Variants in KDM4C observed in about 807,000 individuals in gnomAD.
KDM4C encodes the protein lysine-specific demethylase 4C.
Under a neutral mutation model 129.3 loss-of-function variants are expected in KDM4C, and 81 were observed. That is an observed-to-expected ratio of 0.63 (90% CI 0.52 to 0.75). The LOEUF (loss-of-function observed/expected upper bound fraction) is 0.75. Among genes scored for constraint, KDM4C ranks in the 30% least tolerant of loss-of-function variants. The pLI, the probability that KDM4C is intolerant of heterozygous loss-of-function variation, is 0.00. For missense variants in KDM4C, 1,457 were observed against 1,304.0 expected, an observed-to-expected ratio of 1.12 and a Z score of -1.81; for synonymous variants, 573 against 456.1, an observed-to-expected ratio of 1.26 and a Z score of -3.26.
At chr9:6,942,228 TTTA>T (rs1171448462) in intron 8 of KDM4C, among the ~76,000 whole-genome samples, 6 of 151,894 alleles carry the variant, frequency 4.0e-5, no homozygotes, top group African/African-American at 1.5e-4. Context: ...TCCCTTTTAT[TTTA>T]TTATGTCTGT....
At position 7,174,757 on chromosome 9, in the gene KDM4C, G is replaced by C; in HGVS notation, c.*28G>C. The C allele has an allele frequency of 6.2e-7, 1 of 1,601,384 alleles. No individual in the cohort carries two copies. The highest frequency in any genetic ancestry group is 2.2e-5 in the East Asian group (1 of 44,734). Reference sequence around the variant, plus strand: ...TGCATACATCGCTGCAGGCCACAGAGCAGCTTGGGTTGGAAGAGAGAAGAT... The same window carrying C: ...TGCATACATCGCTGCAGGCCACAGACCAGCTTGGGTTGGAAGAGAGAAGAT... On this transcript the variant is annotated 3_prime_UTR_variant, in exon 22 of 22. Coordinates refer to ENST00000381309, the MANE Select transcript of KDM4C (RefSeq NM_015061.6).
intron 1 of KDM4C, among the ~76,000 whole-genome samples, chr9:6,735,556 C>T (rs895011525): frequency 2.6e-5 from 4 of 152,174 alleles, no homozygotes; most frequent in East Asian, 1.9e-4. Context: ...TTAGGTCTGA[C>T]GGTTTTAAAA....
At chr9:6,939,803 C>T (rs1035579002) in intron 8 of KDM4C, among the ~76,000 whole-genome samples, 3 of 152,058 alleles carry the variant, frequency 2.0e-5, no homozygotes, top group Admixed American at 6.6e-5. Context: ...CAAGTGATTC[C>T]GTCCCTCTCT....
At chr9:6,926,470 T>A (rs1246563188) in intron 8 of KDM4C, among the ~76,000 whole-genome samples, 1 of 152,142 alleles carries the variant, frequency 6.6e-6, no homozygotes, top group Non-Finnish European at 1.5e-5. Flanking sequence ...CATATTCAGT[T>A]TCTTTTTGCA....
intron 17 of KDM4C, among the ~76,000 whole-genome samples, chr9:7,053,353 A>G (rs527746280): frequency 1.3e-5 from 2 of 152,208 alleles, no homozygotes; most frequent in Non-Finnish European, 2.9e-5. Context: ...GGATACAGGA[A>G]AGGATTTGTT....
chr9:6,790,503 C>T (rs184327409), intron 1 of KDM4C, among the ~76,000 whole-genome samples: 1 of 151,540 alleles, frequency 6.6e-6, no homozygotes, highest in African/African-American at 2.4e-5. Context: ...ATCCGCCCGC[C>T]TCGGCCTCCC....
chr9:6,945,212 AT>A (rs1369281718), intron 8 of KDM4C, among the ~76,000 whole-genome samples: 1 of 151,926 alleles, frequency 6.6e-6, no homozygotes, highest in African/African-American at 2.4e-5. Context: ...TTTCTCTCTC[AT>A]TTTTTCCTTG....
At chr9:7,122,255 A>ACT (rs1200724215) in intron 18 of KDM4C, among the ~76,000 whole-genome samples, 3 of 107,822 alleles carry the variant, frequency 2.8e-5, no homozygotes, top group East Asian at 2.5e-4. Context: ...ACACACACAC[A>ACT]CACACACACA....
chr9:7,102,922 C>G (rs933272885), intron 17 of KDM4C, among the ~76,000 whole-genome samples: 1 of 152,312 alleles, frequency 6.6e-6, no homozygotes, highest in South Asian at 2.1e-4. Flanking sequence ...TTTTCTCTAT[C>G]TCTCATAACA....
At chr9:6,738,280 T>C (rs1442058672) in intron 1 of KDM4C, among the ~76,000 whole-genome samples, 1 of 152,084 alleles carries the variant, frequency 6.6e-6, no homozygotes, top group African/African-American at 2.4e-5. Context: ...AGTTTGAGAC[T>C]GGCCTGACCA....
intron 3 of KDM4C, among the ~76,000 whole-genome samples, chr9:6,806,951 G>A (rs62568038): frequency 7.4e-5 from 11 of 149,018 alleles, no homozygotes; most frequent in African/African-American, 2.5e-4. Context: ...CATGCGGAGC[G>A]GAAGCTGGAC....
intron 8 of KDM4C, among the ~76,000 whole-genome samples, chr9:6,907,792 T>C (rs897048351): frequency 6.6e-6 from 1 of 152,250 alleles, no homozygotes; most frequent in Non-Finnish European, 1.5e-5. Context: ...CTTTATTCCT[T>C]GTTGTAAAAA....
intron 17 of KDM4C, among the ~76,000 whole-genome samples, chr9:7,056,307 A>T (rs1177175395): frequency 6.6e-6 from 1 of 151,830 alleles, no homozygotes; most frequent in Non-Finnish European, 1.5e-5. Flanking sequence ...ATTTCAACAT[A>T]CATATGTCTC....
chr9:6,747,027 AAAGAAAAAG>A (rs1817904340), intron 1 of KDM4C, among the ~76,000 whole-genome samples: 2 of 146,348 alleles, frequency 1.4e-5, no homozygotes, highest in African/African-American at 2.5e-5. Flanking sequence ...AAAAAAAAAA[AAAGAAAAAG>A]AAAAAAATTA....
chr9:6,808,509 A>C (rs1830545967), intron 3 of KDM4C, among the ~76,000 whole-genome samples: 1 of 145,220 alleles, frequency 6.9e-6, no homozygotes, highest in African/African-American at 2.7e-5. Context: ...GCTCGTTAAG[A>C]GTCATTACCA....
At chr9:6,995,878 A>C (rs189816087) in intron 12 of KDM4C, among the ~76,000 whole-genome samples, 6 of 140,446 alleles carry the variant, frequency 4.3e-5, no homozygotes, top group Admixed American at 7.1e-5. Flanking sequence ...TCACTGTGTT[A>C]GCCAGGATGG....
At chr9:6,925,871 G>A (rs946250759) in intron 8 of KDM4C, among the ~76,000 whole-genome samples, 1 of 152,130 alleles carries the variant, frequency 6.6e-6, no homozygotes, top group East Asian at 1.9e-4. Context: ...TTATGAAAGG[G>A]CATTGGGACG....
chr9:7,133,495 C>A (rs2129660735), intron 19 of KDM4C, among the ~76,000 whole-genome samples: 1 of 152,316 alleles, frequency 6.6e-6, no homozygotes, highest in African/African-American at 2.4e-5. Context: ...GTAACAAACC[C>A]TGCTCCAGAG....
At chr9:7,102,782 T>C (rs560143548) in intron 17 of KDM4C, among the ~76,000 whole-genome samples, 1 of 152,328 alleles carries the variant, frequency 6.6e-6, no homozygotes, top group South Asian at 2.1e-4. Context: ...TCCTTTTTAC[T>C]CTTCAGAATG....
Sources: gnomAD v4.1 joint callset for allele counts (sites outside exome capture counted in the v4.1 genomes callset) on GRCh38, gnomAD v4.1.1 for gene constraint, MANE v1.5 for transcripts, NCBI Gene and HGNC (gene_info 2026-07-23, HGNC 2026-07-21) for gene names.